RNF43: variants seen among roughly 807,000 people sequenced by gnomAD.
RNF43 encodes ring finger protein 43.
Under a neutral mutation model 78.4 loss-of-function variants are expected in RNF43, and 37 were observed. The observed-to-expected ratio is 0.47, with a 90% CI of 0.36 to 0.62. RNF43 has a LOEUF of 0.62. Ranked by LOEUF, RNF43 falls within the 20% of genes least tolerant of loss-of-function variation. The pLI is 0.00. For synonymous variants in RNF43, 347 were observed against 395.0 expected, an observed-to-expected ratio of 0.88 and a Z score of 1.44; for missense variants, 774 against 1,007.9, an observed-to-expected ratio of 0.77 and a Z score of 3.14.
At chr17:58,390,923 C>T (rs1598155345) in intron 2 of RNF43, among the ~76,000 whole-genome samples, 2 of 152,156 alleles carry the variant, frequency 1.3e-5, no homozygotes, top group East Asian at 3.8e-4. Flanking sequence ...TTGTAAACTC[C>T]CATAGAAACT....
chr17:58,377,343 C>T (rs922466260), intron 2 of RNF43, among the ~76,000 whole-genome samples: 1 of 152,142 alleles, frequency 6.6e-6, no homozygotes, highest in Admixed American at 6.5e-5. Flanking sequence ...CTGAACCCCT[C>T]CCCCGTTCTT....
Position 58,359,520 on chromosome 17 carries a change from C to T in RNF43, c.952+629G>A, listed in dbSNP as rs569260122. 3.3e-5 allele frequency among the ~76,000 whole-genome samples: 5 copies of T among 151,808 alleles called. No homozygotes were observed. In the South Asian group the frequency reaches 1.0e-3, roughly 32 times the overall value. ...TCCGGAGGCTGAGGCAGGAGAATGG[C>T]GTGAACCTGGGAGGCGGAGCTTGCA... On this transcript the variant is annotated intron_variant, in intron 8 of 9. Transcript: ENST00000407977.
intron 2 of RNF43, among the ~76,000 whole-genome samples, chr17:58,386,636 C>T (rs1973443811): frequency 1.3e-5 from 2 of 152,176 alleles, no homozygotes; most frequent in South Asian, 2.1e-4. Context: ...ACTCACTATT[C>T]TCTCACATTC....
chr17:58,402,987 A>T (rs1242378427), intron 2 of RNF43, among the ~76,000 whole-genome samples: 1 of 151,972 alleles, frequency 6.6e-6, no homozygotes, highest in Non-Finnish European at 1.5e-5. Flanking sequence ...TGGTTTAAAA[A>T]AGGAGTTTTT....
chr17:58,373,530 A>G (rs1973144800), intron 2 of RNF43, among the ~76,000 whole-genome samples: 1 of 152,148 alleles, frequency 6.6e-6, no homozygotes, highest in African/African-American at 2.4e-5. Flanking sequence ...CAATTATTTA[A>G]TTTTTATGTG....
At chr17:58,384,478 CA>C (rs1374667579) in intron 2 of RNF43, among the ~76,000 whole-genome samples, 3 of 152,334 alleles carry the variant, frequency 2.0e-5, no homozygotes, top group Admixed American at 6.5e-5. Context: ...TGGAACCCTT[CA>C]CCCTAAATTA....
intron 6 of RNF43, 137 bp downstream of exon 6, chr17:58,362,406 GA>G: frequency 1.8e-6 from 1 of 549,956 alleles, no homozygotes; most frequent in African/African-American, 1.9e-5. Flanking sequence ...AATCAACAAA[GA>G]CAGACGCTGG....
At chr17:58,386,629 C>T (rs916587912) in intron 2 of RNF43, among the ~76,000 whole-genome samples, 2 of 152,166 alleles carry the variant, frequency 1.3e-5, no homozygotes, top group African/African-American at 4.8e-5. Context: ...TTGGATTACT[C>T]ACTATTCTCT....
intron 2 of RNF43, chr17:58,402,746 T>C (rs1973831935): frequency 6.6e-6 from 1 of 152,236 alleles, no homozygotes; most frequent in Non-Finnish European, 1.5e-5. Context: ...ACATGGTGGT[T>C]GTGTCTCTTT....
chr17:58,358,516 G>A lies in RNF43; in HGVS notation c.1260C>T (p.His420=), dbSNP rs747681307. Residue 420 remains histidine (H), a synonymous_variant, in exon 9 of 10, where the codon CAC becomes CAT. Coordinates refer to ENST00000407977, the MANE Select transcript of RNF43 (RefSeq NM_017763.6). This position sits in a 1 kb window ranked among gnomAD's most constrained non-coding sequence, Gnocchi z 6.2. ...HPYAQGWGLS[H]LQSTSQHPAA... ...CAGGGTGCTGTGAGGTGGATTGGAGGTGGCTCAGTCCCCAGCCTTGTGCAT... is the reference window on the plus strand; with the variant it reads ...CAGGGTGCTGTGAGGTGGATTGGAGATGGCTCAGTCCCCAGCCTTGTGCAT... 1.2e-6 allele frequency: 2 copies of A among 1,613,650 alleles called. No individual in the cohort carries two copies. The highest frequency in any genetic ancestry group is 1.7e-6 in the Non-Finnish European group (2 of 1,179,744).
chr17:58,392,146 A>G (rs1973573691), intron 2 of RNF43, among the ~76,000 whole-genome samples: 1 of 152,238 alleles, frequency 6.6e-6, no homozygotes, highest in African/African-American at 2.4e-5. Context: ...ATATGCACAC[A>G]ATTTGTAAAA....
intron 2 of RNF43, among the ~76,000 whole-genome samples, chr17:58,409,564 G>A (rs752975018): frequency 1.6e-4 from 25 of 151,882 alleles, no homozygotes; most frequent in South Asian, 2.1e-4. Flanking sequence ...TTTCTTAGAC[G>A]GTCTCACTAT....
At chr17:58,356,124 C>T (rs1342890522) in intron 9 of RNF43, among the ~76,000 whole-genome samples, 1 of 152,198 alleles carries the variant, frequency 6.6e-6, no homozygotes, top group Non-Finnish European at 1.5e-5. Context: ...GCTTGCAGTA[C>T]ATGGCTCTCT....
intron 2 of RNF43, among the ~76,000 whole-genome samples, chr17:58,401,367 C>G (rs900533456): frequency 6.6e-6 from 1 of 152,156 alleles, no homozygotes; most frequent in African/African-American, 2.4e-5. Flanking sequence ...GGGTATGCAC[C>G]CACTGTTTGG....
Position 58,358,865 on chromosome 17 carries a change from ACCTACAGAGAATGCATT to A in RNF43, c.953-59_953-43del. ...AGAGCACAGATGTTTAACTCTACAA[ACCTACAGAGAATGCATT>A]CAGAAAGACATGGCTGTAGCTAATC... On this transcript the variant is annotated intron_variant, in intron 8 of 9. Coordinates refer to ENST00000407977, the MANE Select transcript of RNF43 (RefSeq NM_017763.6). The surrounding 1 kb of genome is among the most constrained non-coding windows in gnomAD (Gnocchi z 6.2). 2 of 1,438,624 alleles carry A rather than the reference ACCTACAGAGAATGCATT, an allele frequency of 1.4e-6. No individual in the cohort carries two copies. The highest frequency in any genetic ancestry group is 2.9e-5 in the South Asian group (2 of 68,132). 89.1% of individuals were successfully genotyped at this position (1,438,624 alleles called of 1,614,324 possible).
chr17:58,365,781 G>C lies in RNF43; in HGVS notation c.376-2181C>G, dbSNP rs115491023. Reference sequence around the variant, plus strand: ...ACTGGAATTTGGAAAGCAGAGAGAGGATAGGCAGGCCCTCAGGACAGGAAG... The same window carrying C: ...ACTGGAATTTGGAAAGCAGAGAGAGCATAGGCAGGCCCTCAGGACAGGAAG... On this transcript the variant is annotated intron_variant, in intron 3 of 9. Coordinates refer to ENST00000407977, the MANE Select transcript of RNF43 (RefSeq NM_017763.6). 4.3e-3 allele frequency among the ~76,000 whole-genome samples: 660 copies of C among 152,334 alleles called. 4 individuals are homozygous for C. The highest frequency in any genetic ancestry group is 0.015 in the African/African-American group (637 of 41,578).
At position 58,353,684 on chromosome 17, in the gene RNF43, T is replaced by A. The variant is rs967196680; in HGVS notation, c.*1259A>T. On this transcript the variant is annotated 3_prime_UTR_variant, in exon 10 of 10. Transcript: ENST00000407977. ...CACAAGACCAGACCACATTTGTGGA[T>A]AAATATATTAGCAAATAAATATATT... The A allele has an allele frequency of 5.2e-5, 11 of 210,398 alleles. No individual in the cohort carries two copies. Among genetic ancestry groups the A allele is most frequent in the Non-Finnish European group, 3.9e-5 (4 of 103,224 alleles). 13.0% of individuals were successfully genotyped at this position (210,398 alleles called of 1,614,324 possible).
chr17:58,374,731 C>A (rs1325075954), intron 2 of RNF43, among the ~76,000 whole-genome samples: 1 of 152,082 alleles, frequency 6.6e-6, no homozygotes, highest in Non-Finnish European at 1.5e-5. Context: ...GTGACAGCAG[C>A]CAATCCCATG....
chr17:58,379,751 TG>T (rs1374236442), intron 2 of RNF43, among the ~76,000 whole-genome samples: 1 of 152,200 alleles, frequency 6.6e-6, no homozygotes, highest in Non-Finnish European at 1.5e-5. Context: ...GCTAATTATC[TG>T]AGCTGCTTTT....
Sources: gnomAD v4.1 joint callset for allele counts (sites outside exome capture counted in the v4.1 genomes callset) on GRCh38, gnomAD v4.1.1 for gene constraint, Gnocchi (gnomAD v3.1) non-coding constraint, MANE v1.5 for transcripts, NCBI Gene and HGNC (gene_info 2026-07-23, HGNC 2026-07-21) for gene names.